Variants in TAFA4 observed in about 807,000 individuals in gnomAD.
TAFA4 encodes TAFA chemokine like family member 4.
TAFA4 carries 20 observed loss-of-function variants against 21.1 expected under a neutral mutation model. That is an observed-to-expected ratio of 0.95 (90% CI 0.67 to 1.38). The LOEUF (loss-of-function observed/expected upper bound fraction) is 1.38. Among genes scored for constraint, TAFA4 ranks in the 40% most tolerant of loss-of-function variants. The pLI is 0.00. For synonymous variants in TAFA4, 71 were observed against 67.4 expected (o/e 1.05, Z -0.26); for missense variants, 211 against 180.9 (o/e 1.17, Z -0.95).
intron 3 of TAFA4, among the ~76,000 whole-genome samples, chr3:68,869,867 G>C (rs2089463473): frequency 6.6e-6 from 1 of 151,858 alleles, no homozygotes; most frequent in African/African-American, 2.4e-5. Context: ...ACAGCAATTA[G>C]ACAAGAGAAA....
intron 2 of TAFA4, among the ~76,000 whole-genome samples, chr3:68,884,127 T>C (rs547946496): frequency 6.6e-6 from 1 of 152,230 alleles, no homozygotes; most frequent in South Asian, 2.1e-4. Context: ...AACAAAAGTT[T>C]ATTTTAAATA....
At chr3:68,855,742 C>T (rs1206402253) in intron 3 of TAFA4, among the ~76,000 whole-genome samples, 4 of 151,814 alleles carry the variant, frequency 2.6e-5, no homozygotes. Context: ...CAGGTAAATG[C>T]CAACCCAACA....
intron 3 of TAFA4, among the ~76,000 whole-genome samples, chr3:68,848,278 C>CT (rs1704855544): frequency 6.6e-6 from 1 of 152,184 alleles, no homozygotes; most frequent in African/African-American, 2.4e-5. Flanking sequence ...TCCAGCATTT[C>CT]CTGATGTCCT....
intron 4 of TAFA4, among the ~76,000 whole-genome samples, chr3:68,751,146 T>G (rs1048662973): frequency 6.6e-6 from 1 of 151,998 alleles, no homozygotes; most frequent in Non-Finnish European, 1.5e-5. Flanking sequence ...TGAAAAGAAA[T>G]GGGAAGAACT....
At chr3:68,751,712 C>G (rs534535273) in intron 4 of TAFA4, among the ~76,000 whole-genome samples, 2 of 152,054 alleles carry the variant, frequency 1.3e-5, no homozygotes, top group African/African-American at 2.4e-5. Context: ...CTTTATCCAG[C>G]CTTATCCCAT....
intron 4 of TAFA4, among the ~76,000 whole-genome samples, chr3:68,743,802 C>G (rs538206071): frequency 6.6e-6 from 1 of 152,042 alleles, no homozygotes; most frequent in Non-Finnish European, 1.5e-5. Context: ...GAGGGTGGTA[C>G]TAGAATCTAG....
chr3:68,735,443 T>C (rs1340678851), intron 5 of TAFA4, among the ~76,000 whole-genome samples: 1 of 152,116 alleles, frequency 6.6e-6, no homozygotes, highest in African/African-American at 2.4e-5. Flanking sequence ...GGTTCCCTCA[T>C]ACTGCCTGTT....
At chr3:68,832,157 C>A (rs977334064) in intron 3 of TAFA4, among the ~76,000 whole-genome samples, 1 of 151,886 alleles carries the variant, frequency 6.6e-6, no homozygotes, top group Admixed American at 6.6e-5. Flanking sequence ...TTGTTATTAC[C>A]CACCTTCTGA....
intron 1 of TAFA4, among the ~76,000 whole-genome samples, chr3:68,885,822 G>T (rs2089667187): frequency 6.6e-6 from 1 of 152,098 alleles, no homozygotes. Context: ...GACACCAAGA[G>T]AAAAAGTGTT....
At chr3:68,773,022 TATTAAA>T (rs1702987472) in intron 3 of TAFA4, among the ~76,000 whole-genome samples, 1 of 152,222 alleles carries the variant, frequency 6.6e-6, no homozygotes, top group African/African-American at 2.4e-5. Flanking sequence ...AGAGAGCATC[TATTAAA>T]ATTAAAAGTC....
At chr3:68,829,303 G>C (rs1044968211) in intron 3 of TAFA4, among the ~76,000 whole-genome samples, 3 of 152,112 alleles carry the variant, frequency 2.0e-5, no homozygotes, top group Non-Finnish European at 4.4e-5. Flanking sequence ...ATGGGGAAAG[G>C]ATTCCCTATT....
intron 3 of TAFA4, among the ~76,000 whole-genome samples, chr3:68,840,367 C>T (rs561653099): frequency 1.0e-3 from 152 of 152,072 alleles, no homozygotes; most frequent in Non-Finnish European, 1.3e-3. Context: ...TGCCACCATG[C>T]CCAACTAATT....
chr3:68,792,241 T>G (rs558038972), intron 3 of TAFA4, among the ~76,000 whole-genome samples: 30 of 152,322 alleles, frequency 2.0e-4, no homozygotes, highest in African/African-American at 7.0e-4. Context: ...CTTTCATCAT[T>G]AGTGGAGGGA....
intron 3 of TAFA4, among the ~76,000 whole-genome samples, chr3:68,801,369 C>G (rs542943505): frequency 1.5e-4 from 23 of 152,118 alleles, no homozygotes; most frequent in African/African-American, 3.4e-4. Flanking sequence ...TTTGCTACAG[C>G]CTTTGGGGGA....
chr3:68,899,564 G>T (rs530586939), intron 1 of TAFA4, among the ~76,000 whole-genome samples: 2 of 152,096 alleles, frequency 1.3e-5, no homozygotes. Context: ...ATTACAACCA[G>T]AACTTGAGGC....
intron 3 of TAFA4, among the ~76,000 whole-genome samples, chr3:68,815,605 C>T (rs1703956802): frequency 6.6e-6 from 1 of 152,114 alleles, no homozygotes; most frequent in African/African-American, 2.4e-5. Context: ...AAATCAAAAC[C>T]ACAACGAGAT....
chr3:68,763,490 T>G (rs1488401115), intron 3 of TAFA4, among the ~76,000 whole-genome samples: 1 of 152,092 alleles, frequency 6.6e-6, no homozygotes, highest in Non-Finnish European at 1.5e-5. Context: ...GATTAACTAT[T>G]ATTGTTCGAT....
intron 3 of TAFA4, among the ~76,000 whole-genome samples, chr3:68,789,832 T>A: frequency 6.6e-6 from 1 of 152,152 alleles, no homozygotes; most frequent in East Asian, 1.9e-4. Flanking sequence ...ATTTAACACA[T>A]ACCCACACAC....
At chr3:68,803,117 T>C (rs1364052850) in intron 3 of TAFA4, among the ~76,000 whole-genome samples, 3 of 144,478 alleles carry the variant, frequency 2.1e-5, no homozygotes, top group African/African-American at 7.8e-5. Flanking sequence ...CAAACGTAGC[T>C]CATTTTCTAT....
Sources: gnomAD v4.1 joint callset for allele counts (sites outside exome capture counted in the v4.1 genomes callset) on GRCh38, gnomAD v4.1.1 for gene constraint, MANE v1.5 for transcripts, NCBI Gene and HGNC (gene_info 2026-07-23, HGNC 2026-07-21) for gene names.